Variants in ENOX1 observed in about 807,000 individuals in gnomAD.
ENOX1 encodes the protein candidate growth-related and time keeping constitutive hydroquinone (NADH) oxidase.
ENOX1 carries 42 observed loss-of-function variants against 82.5 expected under a neutral mutation model. That is an observed-to-expected ratio of 0.51 (90% confidence interval 0.40 to 0.66). The LOEUF is 0.66. Ranked by LOEUF, ENOX1 falls within the 30% of genes least tolerant of loss-of-function variation. The pLI, the probability that ENOX1 is intolerant of heterozygous loss-of-function variation, is 0.00. For missense variants in ENOX1, 608 were observed against 811.6 expected, an observed-to-expected ratio of 0.75 and a Z score of 3.05; for synonymous variants, 271 against 282.2, an observed-to-expected ratio of 0.96 and a Z score of 0.40.
chr13:43,483,208 T>C (rs1045790524), intron 3 of ENOX1, among the ~76,000 whole-genome samples: 2 of 152,222 alleles, frequency 1.3e-5, no homozygotes, highest in Admixed American at 1.3e-4. Context: ...CTTCATTTAG[T>C]TTTCATCCAC....
Position 43,542,413 on chromosome 13 carries a change from T to C in ENOX1, c.-218-58261A>G, listed in dbSNP as rs1374004654. Among the ~76,000 whole-genome samples the C allele has an allele frequency of 3.3e-5, 5 of 150,400 alleles. No homozygotes were observed. The East Asian group carries it at 7.8e-4, about 24-fold the overall frequency. Reference sequence around the variant, plus strand: ...TCCCAAAGTGCTGGGATTATAGGCTTAAGCCACTGTGCCCGGCCTTTTTTT... The same window carrying C: ...TCCCAAAGTGCTGGGATTATAGGCTCAAGCCACTGTGCCCGGCCTTTTTTT... On this transcript the variant is annotated intron_variant, in intron 2 of 16. Coordinates refer to ENST00000690772, the MANE Select transcript of ENOX1 (RefSeq NM_001347969.2).
intron 2 of ENOX1, among the ~76,000 whole-genome samples, chr13:43,568,801 G>A (rs1217293471): frequency 1.3e-5 from 2 of 151,530 alleles, no homozygotes; most frequent in Non-Finnish European, 2.9e-5. Context: ...CATTCTATGA[G>A]ACTAAACAGA....
intron 1 of ENOX1, among the ~76,000 whole-genome samples, chr13:43,701,481 C>T (rs1384612491): frequency 5.3e-5 from 8 of 152,070 alleles, no homozygotes; most frequent in Non-Finnish European, 1.2e-4. Flanking sequence ...CTGTTATACC[C>T]ATGCAATTAT....
At chr13:43,557,552 T>C (rs2079494560) in intron 2 of ENOX1, among the ~76,000 whole-genome samples, 1 of 152,154 alleles carries the variant, frequency 6.6e-6, no homozygotes, top group South Asian at 2.1e-4. Flanking sequence ...CCTAGTGTCT[T>C]GCTGGTTCAG....
At chr13:43,432,014 A>T (rs1164659048) in intron 3 of ENOX1, among the ~76,000 whole-genome samples, 1 of 152,044 alleles carries the variant, frequency 6.6e-6, no homozygotes, top group Non-Finnish European at 1.5e-5. Context: ...AGCCCATCCT[A>T]CGCCTGTTTA....
At chr13:43,721,161 C>T (rs950933895) in intron 1 of ENOX1, among the ~76,000 whole-genome samples, 7 of 152,008 alleles carry the variant, frequency 4.6e-5, no homozygotes, top group Admixed American at 1.3e-4. Context: ...TTGGTAAGGA[C>T]GGAGTTGTGT....
intron 2 of ENOX1, among the ~76,000 whole-genome samples, chr13:43,602,778 C>T (rs2081783251): frequency 6.6e-6 from 1 of 151,990 alleles, no homozygotes; most frequent in Non-Finnish European, 1.5e-5. Context: ...ATAGGGCAAT[C>T]TAAGTATCCA....
At chr13:43,467,639 A>T (rs1412709546) in intron 3 of ENOX1, among the ~76,000 whole-genome samples, 3 of 152,074 alleles carry the variant, frequency 2.0e-5, no homozygotes, top group Non-Finnish European at 4.4e-5. Context: ...TGTCCTTTGA[A>T]GCACAAAAGT....
chr13:43,710,687 A>G (rs745417091), intron 1 of ENOX1, among the ~76,000 whole-genome samples: 4 of 152,164 alleles, frequency 2.6e-5, no homozygotes, highest in Non-Finnish European at 5.9e-5. Flanking sequence ...TGACCAACAT[A>G]AAAAAGTAAG....
At chr13:43,711,544 G>A (rs1214361162) in intron 1 of ENOX1, among the ~76,000 whole-genome samples, 7 of 152,022 alleles carry the variant, frequency 4.6e-5, no homozygotes, top group South Asian at 2.1e-4. Context: ...CCAACAGTGT[G>A]AAAGTGTTCC....
At chr13:43,542,786 T>C (rs969688274) in intron 2 of ENOX1, among the ~76,000 whole-genome samples, 2 of 152,144 alleles carry the variant, frequency 1.3e-5, no homozygotes, top group Non-Finnish European at 2.9e-5. Context: ...GTACACTGGG[T>C]GGCTTATAAA....
chr13:43,752,617 T>G (rs1282793638), intron 1 of ENOX1, among the ~76,000 whole-genome samples: 1 of 152,212 alleles, frequency 6.6e-6, no homozygotes, highest in African/African-American at 2.4e-5. Flanking sequence ...CACTATTTGT[T>G]GAAAAATTAA....
intron 2 of ENOX1, among the ~76,000 whole-genome samples, chr13:43,526,581 T>A (rs1335448493): frequency 6.6e-6 from 1 of 152,134 alleles, no homozygotes; most frequent in African/African-American, 2.4e-5. Context: ...TGGAGTTCAA[T>A]GTTCTTTTAT....
intron 4 of ENOX1, 29 bp downstream of exon 4, chr13:43,412,816 T>G (rs759907046): frequency 3.5e-5 from 57 of 1,611,934 alleles, no homozygotes; most frequent in Admixed American, 1.2e-4. Flanking sequence ...AATCCTTGTT[T>G]GTGTCCTGTG....
At chr13:43,510,895 C>T (rs1023414850) in intron 2 of ENOX1, among the ~76,000 whole-genome samples, 9 of 152,048 alleles carry the variant, frequency 5.9e-5, no homozygotes, top group Non-Finnish European at 7.4e-5. Context: ...GCATTAAGTA[C>T]GGCTGCTAGT....
At chr13:43,609,033 T>C (rs1306330199) in intron 2 of ENOX1, among the ~76,000 whole-genome samples, 1 of 152,194 alleles carries the variant, frequency 6.6e-6, no homozygotes, top group Non-Finnish European at 1.5e-5. Flanking sequence ...ACAATGTGTA[T>C]AAAATGTCCA....
intron 2 of ENOX1, among the ~76,000 whole-genome samples, chr13:43,615,965 T>A (rs1190525327): frequency 6.6e-6 from 1 of 151,294 alleles, no homozygotes; most frequent in Non-Finnish European, 1.5e-5. Flanking sequence ...GGTGTATATG[T>A]GCCACATTTT....
At chr13:43,260,522 A>G (rs904507196) in intron 14 of ENOX1, among the ~76,000 whole-genome samples, 3 of 152,182 alleles carry the variant, frequency 2.0e-5, no homozygotes, top group African/African-American at 7.2e-5. Context: ...TTGCTGGCTG[A>G]AGCTGTCACT....
intron 1 of ENOX1, among the ~76,000 whole-genome samples, chr13:43,700,242 T>C (rs1423273567): frequency 6.6e-6 from 1 of 152,160 alleles, no homozygotes; most frequent in African/African-American, 2.4e-5. Context: ...AAACTTCTTT[T>C]GAGTTAAATG....
Sources: allele counts gnomAD v4.1 joint callset (sites outside exome capture counted in the v4.1 genomes callset), GRCh38; gene constraint gnomAD v4.1.1; transcripts MANE v1.5; gene names NCBI Gene and HGNC (gene_info 2026-07-23, HGNC 2026-07-21).